TOP3A: variants seen among roughly 807,000 people sequenced by gnomAD.
TOP3A encodes DNA topoisomerase 3-alpha.
In TOP3A, 64 loss-of-function variants were observed where a neutral mutation model predicts 111.3. The observed-to-expected ratio is 0.57, with a 90% CI of 0.47 to 0.71. TOP3A has a LOEUF of 0.71. TOP3A is among the 30% of genes least tolerant of loss of function. The probability of loss-of-function intolerance (pLI) is 0.00; values close to 1 mark genes in which losing one functional copy is unlikely to be tolerated. For synonymous variants in TOP3A, 484 were observed against 485.1 expected, an observed-to-expected ratio of 1.00 and a Z score of 0.03; for missense variants, 1,104 against 1,285.0, an observed-to-expected ratio of 0.86 and a Z score of 2.15.
chr17:18,293,743 C>T lies in TOP3A; in HGVS notation c.1074-891G>A, dbSNP rs148801906. On this transcript the variant is annotated intron_variant, in intron 10 of 18. Transcript: ENST00000321105. ...TCCTAAGTAGCTGGGATTACAGGTG[C>T]CTGCCACCACACCTGGCTAATTTTT... Among the ~76,000 whole-genome samples, 79 of 152,046 alleles carry T rather than the reference C, an allele frequency of 5.2e-4. 1 individual carries two copies. In the East Asian group the frequency reaches 0.014, roughly 28 times the overall value.
At chr17:18,283,129 C>T (rs2142944805) in intron 15 of TOP3A, among the ~76,000 whole-genome samples, 1 of 152,238 alleles carries the variant, frequency 6.6e-6, no homozygotes, top group South Asian at 2.1e-4. Flanking sequence ...GCCTGTAATC[C>T]CAGGCCGAGG....
chr17:18,281,390 T>G (rs748155425), intron 16 of TOP3A, among the ~76,000 whole-genome samples: 5 of 151,978 alleles, frequency 3.3e-5, no homozygotes, highest in African/African-American at 4.8e-5. Context: ...CTGGAGTAAC[T>G]CAGAGAAGCA....
In TOP3A at chr17:18,285,166, A is replaced by G. The variant is rs758540697; in HGVS notation, c.1853T>C (p.Ile618Thr). 1.6e-5 allele frequency: 26 copies of G among 1,614,068 alleles called. No individual in the cohort carries two copies. The highest frequency in any genetic ancestry group is 8.9e-5 in the East Asian group (4 of 44,898). Residue 618 changes from isoleucine (I) to threonine (T), a missense_variant, in exon 15 of 19, where the codon ATT becomes ACT. Ile to Thr is a moderately conservative substitution (Grantham distance 89, BLOSUM62 -1). Transcript: ENST00000321105. ...CTTCTTTGCTTTAGCCACCGCTTCA[A>G]TGAAAACCTGCTTGTATTTCTGCAC... Reference protein sequence around the residue: ...QQVQKYKQVFIEAVAKAKKLD... With the variant: ...QQVQKYKQVFTEAVAKAKKLD...
At position 18,271,993 on chromosome 17, in the gene TOP3A, G is replaced by A. The variant is rs1490274359; in HGVS notation, c.*2809C>T. 1 of 260,514 alleles carries A rather than the reference G, an allele frequency of 3.8e-6. No homozygotes were observed. Among genetic ancestry groups the A allele is most frequent in the Non-Finnish European group, 7.7e-6 (1 of 130,338 alleles). 16.1% of individuals were successfully genotyped at this position (260,514 alleles called of 1,614,324 possible). On this transcript the variant is annotated 3_prime_UTR_variant, in exon 19 of 19. Coordinates refer to ENST00000321105, the MANE Select transcript of TOP3A (RefSeq NM_004618.5). Reference sequence around the variant, plus strand: ...AGGCAGGAGAACTGCTTGAACCCAGGAGGCAGAGGTTGCAGTGAGCCAAGA... The same window carrying A: ...AGGCAGGAGAACTGCTTGAACCCAGAAGGCAGAGGTTGCAGTGAGCCAAGA...
intron 2 of TOP3A, chr17:18,308,673 T>TTC (rs1481538419): frequency 2.1e-5 from 10 of 485,600 alleles, no homozygotes; most frequent in African/African-American, 1.2e-4. Context: ...ATATTAGCTT[T>TTC]TTTTTTTTGT....
At chr17:18,314,524 C>T in intron 1 of TOP3A, 75 bp downstream of exon 1, 2 of 1,480,650 alleles carry the variant, frequency 1.4e-6, no homozygotes, top group Non-Finnish European at 1.8e-6. Flanking sequence ...CATCTCGATT[C>T]TTGGCGCCCA....
chr17:18,301,839 T>C, intron 8 of TOP3A, 46 bp downstream of exon 8: 1 of 1,511,266 alleles, frequency 6.6e-7, no homozygotes, highest in Non-Finnish European at 9.2e-7. Context: ...GTGGGAGTGG[T>C]TTGGGAGGTG....
intron 4 of TOP3A, 104 bp from the exon 5 acceptor site, chr17:18,305,324 G>T: frequency 1.1e-6 from 1 of 921,594 alleles, no homozygotes; most frequent in Non-Finnish European, 1.7e-6. Context: ...GCTGCTCTTG[G>T]AGTGTGACAA....
intron 16 of TOP3A, 89 bp from the exon 17 acceptor site, chr17:18,280,747 C>A: frequency 6.9e-7 from 1 of 1,456,576 alleles, no homozygotes; most frequent in Non-Finnish European, 9.5e-7. Context: ...TCCTCAGCTG[C>A]CCGAGGACAA....
intron 1 of TOP3A, 54 bp from the exon 2 acceptor site, chr17:18,308,995 C>T (rs1339912889): frequency 2.7e-5 from 27 of 1,010,038 alleles, no homozygotes; most frequent in Non-Finnish European, 3.7e-5. Flanking sequence ...CAATGGATTC[C>T]TTTGTATAAT....
At position 18,290,589 on chromosome 17, in the gene TOP3A, T is replaced by C. The variant is rs1334426011; in HGVS notation, c.1565A>G (p.Asp522Gly). ...TSPPKLLTEA[D>G]LIALMEKHGI... ...ATGCTTCTCCATGAGGGCAATGAGG[T>C]CGGCCTCGGTGAGCAGCTTGGGTGG... Residue 522 changes from aspartate to glycine, a missense_variant, in exon 13 of 19, where the codon GAC becomes GGC. Physicochemically the swap from Asp to Gly is moderately conservative, Grantham distance 94. Coordinates refer to ENST00000321105, the MANE Select transcript of TOP3A (RefSeq NM_004618.5). 12 of 1,607,170 alleles carry C rather than the reference T, an allele frequency of 7.5e-6. No individual in the cohort carries two copies. The highest frequency in any genetic ancestry group is 1.0e-5 in the Non-Finnish European group (12 of 1,176,036).
intron 9 of TOP3A, among the ~76,000 whole-genome samples, chr17:18,299,078 TA>T (rs142107805): frequency 0.025 from 3,516 of 139,966 alleles, 79 homozygotes; most frequent in East Asian, 0.082. Context: ...AAATTAAAAT[TA>T]AAAAAAAAAA....
intron 8 of TOP3A, among the ~76,000 whole-genome samples, chr17:18,300,341 C>G (rs1298108542): frequency 6.7e-6 from 1 of 150,216 alleles, no homozygotes; most frequent in African/African-American, 2.5e-5. Flanking sequence ...TTGCAGTGAG[C>G]TGAGATCGTG....
intron 13 of TOP3A, among the ~76,000 whole-genome samples, chr17:18,287,804 CTGGCCAACA>C (rs1980200904): frequency 6.6e-6 from 1 of 151,986 alleles, no homozygotes; most frequent in Non-Finnish European, 1.5e-5. Context: ...ACCAGCCAAC[CTGGCCAACA>C]TGGTGAAACC....
At chr17:18,277,521 G>A (rs1284744424) in intron 18 of TOP3A, among the ~76,000 whole-genome samples, 154 bp downstream of exon 18, 3 of 152,242 alleles carry the variant, frequency 2.0e-5, no homozygotes, top group Non-Finnish European at 4.4e-5. Flanking sequence ...CTTGCTGAAA[G>A]TGATCAAGTG....
chr17:18,313,236 A>C lies in TOP3A; in HGVS notation c.180+1363T>G, dbSNP rs138140069. 31 of 156,566 alleles carry C rather than the reference A, an allele frequency of 2.0e-4. No individual in the cohort carries two copies. The East Asian group carries it at 5.9e-3, about 30-fold the overall frequency. 9.7% of individuals were successfully genotyped at this position (156,566 alleles called of 1,614,324 possible). A position where few individuals can be genotyped will look rare whatever the true frequency, so the allele number is the denominator to read the frequency against. On this transcript the variant is annotated intron_variant, in intron 1 of 18. Coordinates refer to ENST00000321105, the MANE Select transcript of TOP3A (RefSeq NM_004618.5). ...ACTGTTCAAAAGGGAATGACCCACAAATGTTACATGGCAGAACTGGAAAAG... is the reference window on the plus strand; with the variant it reads ...ACTGTTCAAAAGGGAATGACCCACACATGTTACATGGCAGAACTGGAAAAG...
At chr17:18,299,706 A>G (rs960464772) in intron 8 of TOP3A, 73 bp from the exon 9 acceptor site, 3 of 1,395,780 alleles carry the variant, frequency 2.1e-6, no homozygotes, top group Non-Finnish European at 3.1e-6. Flanking sequence ...TGGATAGCCC[A>G]TGCCAATCCT....
intron 4 of TOP3A, among the ~76,000 whole-genome samples, chr17:18,305,502 G>GCGCGCGCA (rs1555572098): frequency 1.3e-5 from 2 of 151,720 alleles, no homozygotes; most frequent in African/African-American, 2.4e-5. Flanking sequence ...GCGCGCGCGC[G>GCGCGCGCA]CGCACGCACA....
intron 9 of TOP3A, among the ~76,000 whole-genome samples, chr17:18,297,499 A>G (rs1314773084): frequency 1.3e-5 from 1 of 78,520 alleles, no homozygotes; most frequent in African/African-American, 7.7e-5. Context: ...TCTGATGCCG[A>G]GCTGAAGCTG....
Sources: allele counts gnomAD v4.1 joint callset (sites outside exome capture counted in the v4.1 genomes callset), GRCh38; gene constraint gnomAD v4.1.1; transcripts MANE v1.5; gene names NCBI Gene and HGNC (gene_info 2026-07-23, HGNC 2026-07-21).